SUPT3H: variants seen among roughly 807,000 people sequenced by gnomAD.
SUPT3H encodes SPT3 homolog, SAGA and STAGA complex component.
SUPT3H carries 44 observed loss-of-function variants against 44.3 expected under a neutral mutation model. The observed-to-expected ratio is 0.99, with a 90% CI of 0.78 to 1.28. SUPT3H has a LOEUF of 1.28. SUPT3H is among the 50% of genes most tolerant of loss of function. The probability of loss-of-function intolerance (pLI) is 0.00; values close to 1 mark genes in which losing one functional copy is unlikely to be tolerated. For synonymous variants in SUPT3H, 124 were observed against 125.6 expected (o/e 0.99, Z 0.09); for missense variants, 380 against 387.1 (o/e 0.98, Z 0.15).
chr6:45,303,922 G>C (rs972793399), intron 2 of SUPT3H, among the ~76,000 whole-genome samples: 4 of 151,668 alleles, frequency 2.6e-5, no homozygotes, highest in Non-Finnish European at 4.4e-5. Flanking sequence ...GAACCCAGGA[G>C]GGGGAGGTTG....
At chr6:45,127,825 CAT>C (rs1802673080) in intron 2 of SUPT3H, among the ~76,000 whole-genome samples, 1 of 152,144 alleles carries the variant, frequency 6.6e-6, no homozygotes, top group Non-Finnish European at 1.5e-5. Flanking sequence ...TCTGTTCTAA[CAT>C]AAGCATTTAG....
At chr6:44,848,903 C>A (rs1267517851) in intron 10 of SUPT3H, among the ~76,000 whole-genome samples, 1 of 152,204 alleles carries the variant, frequency 6.6e-6, no homozygotes, top group African/African-American at 2.4e-5. Context: ...TCCCCCCAAC[C>A]TTCCTTTGAA....
At chr6:44,943,713 T>C (rs1175501239) in intron 9 of SUPT3H, among the ~76,000 whole-genome samples, 5 of 151,912 alleles carry the variant, frequency 3.3e-5, no homozygotes, top group African/African-American at 9.7e-5. Context: ...TTAAAAACAA[T>C]AGAGAAAAAA....
rs1327772030 is a variant in SUPT3H, at chr6:44,932,747, C to T, written c.818G>A (p.Gly273Asp). The change falls in exon 10 of 11, where the codon GGT becomes GAT. Residue 273 changes from glycine to aspartate, a missense_variant. Coordinates refer to ENST00000371459, the MANE Select transcript of SUPT3H (RefSeq NM_003599.4). ...HNSAESTAAC[G>D]VEAHSDAIQP... is the part of the protein sequence containing the mutation. ...GATGGCATCGCTGTGAGCCTCAACA[C>T]CACAGGCTGCAGTGCTCTGCGACAG... is the stretch of plus-strand genomic sequence containing the variant. 6.2e-7 allele frequency: 1 copy of T among 1,608,658 alleles called. No homozygotes were observed. The highest frequency in any genetic ancestry group is 1.1e-5 in the South Asian group (1 of 90,118).
intron 2 of SUPT3H, among the ~76,000 whole-genome samples, chr6:45,238,582 G>C (rs889541673): frequency 2.6e-5 from 4 of 152,156 alleles, no homozygotes; most frequent in South Asian, 4.1e-4. Flanking sequence ...ATCCCAAGAA[G>C]ACTCTAGATT....
At chr6:45,249,183 T>A (rs926304801) in intron 2 of SUPT3H, among the ~76,000 whole-genome samples, 1 of 152,310 alleles carries the variant, frequency 6.6e-6, no homozygotes, top group Admixed American at 6.5e-5. Context: ...CTAATATTCA[T>A]ATGTTAATCT....
chr6:45,113,116 T>C (rs368519220), intron 2 of SUPT3H, among the ~76,000 whole-genome samples: 5 of 145,824 alleles, frequency 3.4e-5, no homozygotes, highest in East Asian at 2.0e-4. Flanking sequence ...TTTTTTTTTT[T>C]CCGTTCAAAG....
intron 6 of SUPT3H, among the ~76,000 whole-genome samples, chr6:44,978,244 T>C (rs1030932554): frequency 2.6e-5 from 4 of 152,164 alleles, no homozygotes; most frequent in African/African-American, 9.7e-5. Context: ...TAAACACCCA[T>C]GTGCTGAACT....
At chr6:44,887,297 C>T (rs920528161) in intron 10 of SUPT3H, among the ~76,000 whole-genome samples, 2 of 152,160 alleles carry the variant, frequency 1.3e-5, no homozygotes, top group African/African-American at 4.8e-5. Context: ...CTCCCCACTG[C>T]AAATCAACAG....
At chr6:45,027,604 T>C (rs1347234934) in intron 3 of SUPT3H, among the ~76,000 whole-genome samples, 1 of 152,162 alleles carries the variant, frequency 6.6e-6, no homozygotes, top group Non-Finnish European at 1.5e-5. Flanking sequence ...TGTATTCCTT[T>C]GAAGATTAAA....
chr6:45,270,679 G>A (rs1775977137), intron 2 of SUPT3H, among the ~76,000 whole-genome samples: 1 of 152,166 alleles, frequency 6.6e-6, no homozygotes, highest in Non-Finnish European at 1.5e-5. Context: ...GACTAATACA[G>A]TAAACTGGTA....
chr6:44,887,136 C>G (rs1314787596), intron 10 of SUPT3H, among the ~76,000 whole-genome samples: 2 of 152,218 alleles, frequency 1.3e-5, no homozygotes, highest in East Asian at 1.9e-4. Context: ...GTGTGACCAA[C>G]AAAGAGACTT....
At chr6:44,981,357 G>C (rs1041682936) in intron 6 of SUPT3H, among the ~76,000 whole-genome samples, 4 of 152,132 alleles carry the variant, frequency 2.6e-5, no homozygotes, top group Non-Finnish European at 4.4e-5. Flanking sequence ...GTTTTATTTT[G>C]ATGAGAGAGA....
intron 3 of SUPT3H, among the ~76,000 whole-genome samples, chr6:45,087,841 C>A (rs529080570): frequency 1.1e-4 from 17 of 151,828 alleles, no homozygotes; most frequent in Non-Finnish European, 2.4e-4. Flanking sequence ...TTTCTTCACA[C>A]AATATTCTGA....
intron 2 of SUPT3H, among the ~76,000 whole-genome samples, chr6:45,284,415 A>G (rs1031722276): frequency 3.9e-5 from 6 of 152,238 alleles, no homozygotes. Context: ...AGGGGATATC[A>G]CCACTGATCC....
At chr6:45,278,961 T>C (rs1715418124) in intron 2 of SUPT3H, among the ~76,000 whole-genome samples, 1 of 152,030 alleles carries the variant, frequency 6.6e-6, no homozygotes, top group Non-Finnish European at 1.5e-5. Context: ...AAAACTAGCA[T>C]ATTTCAAAAA....
rs187680178 is a variant in SUPT3H at position 44,979,128 on chromosome 6, T to C, written c.505-17300A>G. ...AGTTAAATGAACACGCCTTGTTACT[T>C]TGCATACCCTCCTTTGCATAATGTT... On this transcript the variant is annotated intron_variant, in intron 6 of 10. Transcript: ENST00000371459. Among the ~76,000 whole-genome samples the C allele has an allele frequency of 2.0e-5, 3 of 152,290 alleles. No individual in the cohort carries two copies. The East Asian group carries it at 5.8e-4, about 29-fold the overall frequency.
chr6:45,259,885 AATT>A (rs1774072702), intron 2 of SUPT3H, among the ~76,000 whole-genome samples: 1 of 152,170 alleles, frequency 6.6e-6, no homozygotes, highest in Admixed American at 6.5e-5. Flanking sequence ...GTCACAGGTA[AATT>A]ATAAATTAAC....
At chr6:45,320,323 G>T (rs539632991) in intron 2 of SUPT3H, among the ~76,000 whole-genome samples, 64 of 152,014 alleles carry the variant, frequency 4.2e-4, no homozygotes, top group Non-Finnish European at 4.4e-5. Context: ...TAGTGCAGTG[G>T]CAAGTACACA....
Sources: gnomAD v4.1 joint callset for allele counts (sites outside exome capture counted in the v4.1 genomes callset) on GRCh38, gnomAD v4.1.1 for gene constraint, MANE v1.5 for transcripts, NCBI Gene and HGNC (gene_info 2026-07-23, HGNC 2026-07-21) for gene names.